The following IQCH variants were observed in gnomAD, a reference collection of about 807,000 sequenced individuals.
IQCH encodes the protein IQ domain-containing protein H.
In IQCH, 98 loss-of-function variants were observed where a neutral mutation model predicts 117.0. That is an observed-to-expected ratio of 0.84 (90% CI 0.71 to 0.99). The LOEUF (loss-of-function observed/expected upper bound fraction) is 0.99, where lower values mean the gene tolerates loss of function less well. Among genes scored for constraint, IQCH ranks in the 50% least tolerant of loss-of-function variants. The pLI is 0.00. For missense variants in IQCH, 1,102 were observed against 1,243.8 expected, an observed-to-expected ratio of 0.89 and a Z score of 1.72; for synonymous variants, 412 against 448.2, an observed-to-expected ratio of 0.92 and a Z score of 1.02.
At chr15:67,489,050 T>C (rs1317734193) in intron 18 of IQCH, among the ~76,000 whole-genome samples, 1 of 152,022 alleles carries the variant, frequency 6.6e-6, no homozygotes, top group African/African-American at 2.4e-5. Context: ...TTTTTTTTTT[T>C]TTAGACGGAG....
chr15:67,403,596 C>T lies in IQCH; in HGVS notation c.2097+3291C>T, dbSNP rs909853152. On this transcript the variant is annotated intron_variant, in intron 14 of 20. Coordinates refer to ENST00000335894, the MANE Select transcript of IQCH (RefSeq NM_001031715.3). The surrounding 1 kb of genome is among the most constrained non-coding windows in gnomAD (Gnocchi z 4.8). ...TGCTCGTTAAGTTTTAATGAATCCA[C>T]ACTCTTGCACACACTCCAAACTCCA... is the stretch of plus-strand genomic sequence containing the variant. 6.6e-6 allele frequency: 1 copy of T among 152,304 alleles called. No individual in the cohort carries two copies. Among genetic ancestry groups the T allele is most frequent in the Middle Eastern group, 3.4e-3 (1 of 294 alleles). 9.4% of individuals were successfully genotyped at this position (152,304 alleles called of 1,614,324 possible). A position where few individuals can be genotyped will look rare whatever the true frequency, so the allele number is the denominator to read the frequency against.
chr15:67,361,638 C>T (rs920187554), intron 8 of IQCH, among the ~76,000 whole-genome samples: 1 of 152,198 alleles, frequency 6.6e-6, no homozygotes, highest in African/African-American at 2.4e-5. Flanking sequence ...CAATAACAGA[C>T]AGCAGTTACC....
rs982333721 is a variant in IQCH, at chr15:67,376,376, ATCTAT to A, written c.1372+2946_1372+2950del. ...CTCTAAATGTACTGGAAGAAAACTA[ATCTAT>A]TCAATCTAGTAATTTCATTTCCAAA... On this transcript the variant is annotated intron_variant, in intron 10 of 20. Coordinates refer to ENST00000335894, the MANE Select transcript of IQCH (RefSeq NM_001031715.3). The surrounding 1 kb of genome is among the most constrained non-coding windows in gnomAD (Gnocchi z 5.0). Among the ~76,000 whole-genome samples, 1 of 152,224 alleles carries A rather than the reference ATCTAT, an allele frequency of 6.6e-6. No individual in the cohort carries two copies. Among genetic ancestry groups the A allele is most frequent in the African/African-American group, 2.4e-5 (1 of 41,456 alleles).
At chr15:67,446,244 A>T (rs1458638699) in intron 16 of IQCH, among the ~76,000 whole-genome samples, 1 of 152,210 alleles carries the variant, frequency 6.6e-6, no homozygotes, top group Non-Finnish European at 1.5e-5. Flanking sequence ...TAATTTCATG[A>T]TGATTTTCTA....
At position 67,417,561 on chromosome 15, in the gene IQCH, A is replaced by G. The variant is rs546386657; in HGVS notation, c.2218+510A>G. 6.6e-6 allele frequency among the ~76,000 whole-genome samples: 1 copy of G among 152,258 alleles called. No individual in the cohort carries two copies. The highest frequency in any genetic ancestry group is 1.5e-5 in the Non-Finnish European group (1 of 68,000). On this transcript the variant is annotated intron_variant, in intron 15 of 20. Transcript: ENST00000335894. The surrounding 1 kb of genome is among the most constrained non-coding windows in gnomAD (Gnocchi z 4.3). ...TCTCGCTTCCAGTTCTGAATATAGC[A>G]TTTCCAAACAAGGGTTTTCTACAAT...
rs1407872290 is a variant in IQCH, at chr15:67,433,689, C to G, written c.2505+12112C>G. 2.0e-5 allele frequency among the ~76,000 whole-genome samples: 3 copies of G among 152,158 alleles called. No individual in the cohort carries two copies. The highest frequency in any genetic ancestry group is 7.2e-5 in the African/African-American group (3 of 41,424). On this transcript the variant is annotated intron_variant, in intron 16 of 20. Coordinates refer to ENST00000335894, the MANE Select transcript of IQCH (RefSeq NM_001031715.3). This position sits in a 1 kb window ranked among gnomAD's most constrained non-coding sequence, Gnocchi z 5.4. ...AGGGCGAGGAAAATCTGGACACTCA[C>G]ACTGCACCCTGCTGTCTCCAGCAGG... is the stretch of plus-strand genomic sequence containing the variant.
In IQCH at chr15:67,254,807, G is replaced by C; in HGVS notation, c.-90G>C. The C allele has an allele frequency of 7.0e-7, 1 of 1,430,952 alleles. No individual in the cohort carries two copies. The highest frequency in any genetic ancestry group is 1.4e-5 in the African/African-American group (1 of 70,854). 88.6% of individuals were successfully genotyped at this position (1,430,952 alleles called of 1,614,324 possible). ...GCGTGGAACAGGCCAGGTCGCGCGC[G>C]GTGTTGCCATGGGGACGAGCGGCTC... On this transcript the variant is annotated 5_prime_UTR_variant, in exon 1 of 21. Transcript: ENST00000335894.
chr15:67,343,578 TGAGAA>T (rs1275308407), intron 5 of IQCH, among the ~76,000 whole-genome samples: 3 of 152,344 alleles, frequency 2.0e-5, no homozygotes, highest in Admixed American at 6.5e-5. Flanking sequence ...TCTGGTGATA[TGAGAA>T]ATGTCTAAAA....
chr15:67,293,553 A>T (rs189266743), intron 4 of IQCH, among the ~76,000 whole-genome samples: 1 of 152,250 alleles, frequency 6.6e-6, no homozygotes, highest in Non-Finnish European at 1.5e-5. Context: ...AAATAATGAC[A>T]AGAAAAAGAG....
chr15:67,320,666 A>G (rs1359954075), intron 4 of IQCH, among the ~76,000 whole-genome samples: 2 of 152,176 alleles, frequency 1.3e-5, no homozygotes, highest in Admixed American at 6.5e-5. Flanking sequence ...TGTAAAATCA[A>G]GTTATCATTT....
chr15:67,396,590 A>C (rs1303220120), intron 13 of IQCH, among the ~76,000 whole-genome samples: 1 of 152,170 alleles, frequency 6.6e-6, no homozygotes, highest in Non-Finnish European at 1.5e-5. Flanking sequence ...TAAAAGACAA[A>C]TGGCTGTTAA....
chr15:67,465,246 T>C lies in IQCH; in HGVS notation c.2625T>C (p.Phe875=), dbSNP rs765398397. 25 of 1,613,952 alleles carry C rather than the reference T, an allele frequency of 1.5e-5. No individual in the cohort carries two copies. The Admixed American group carries it at 3.5e-4, about 23-fold the overall frequency. ...CSLSTLEVPR[F]VPKERKKTKC... is the part of the protein sequence containing the mutation. ...TGAGCACCCTGGAAGTGCCCCGCTTTGTTCCAAAGGAAAGGAAGAAAACCA... is the reference window on the plus strand; with the variant it reads ...TGAGCACCCTGGAAGTGCCCCGCTTCGTTCCAAAGGAAAGGAAGAAAACCA... The change falls in exon 17 of 21, where the codon TTT becomes TTC. Residue 875 remains phenylalanine, a synonymous_variant. Transcript: ENST00000335894. The surrounding 1 kb of genome is among the most constrained non-coding windows in gnomAD (Gnocchi z 5.9).
At chr15:67,288,002 C>G (rs531997182) in intron 4 of IQCH, among the ~76,000 whole-genome samples, 42 of 152,170 alleles carry the variant, frequency 2.8e-4, no homozygotes, top group African/African-American at 9.9e-4. Flanking sequence ...CATTGACCCA[C>G]TGGTCATTCA....
intron 14 of IQCH, 144 bp downstream of exon 14, chr15:67,400,449 CT>C (rs1971609666): frequency 7.2e-6 from 4 of 555,730 alleles, no homozygotes; most frequent in African/African-American, 3.9e-5. Context: ...GACCTTTTTC[CT>C]TATATACACA....
chr15:67,372,713 G>A lies in IQCH; in HGVS notation c.1305+51G>A, dbSNP rs376128057. On this transcript the variant is annotated intron_variant, in intron 9 of 20. Coordinates refer to ENST00000335894, the MANE Select transcript of IQCH (RefSeq NM_001031715.3). ...GCAGACCTCTTTTTCTAAACATTTC[G>A]TGCTTGAGCGGTTGTAATAAGTTGT... 210 of 1,473,986 alleles carry A rather than the reference G, an allele frequency of 1.4e-4. No individual in the cohort carries two copies. The African/African-American group carries it at 2.2e-3, about 15-fold the overall frequency. The allele number at this position is 1,473,986 out of a possible 1,614,324, so 91.3% of individuals were successfully genotyped here.
rs1007750769 is a variant in IQCH, at chr15:67,440,851, G to A, written c.2505+19274G>A. On this transcript the variant is annotated intron_variant, in intron 16 of 20. Coordinates refer to ENST00000335894, the MANE Select transcript of IQCH (RefSeq NM_001031715.3). ...TCACCACTCCTCTTTAACAGTACTG[G>A]AAGTCCTAGCCAGAGCAATCAGACA... Among the ~76,000 whole-genome samples, 5 of 152,180 alleles carry A rather than the reference G, an allele frequency of 3.3e-5. No homozygotes were observed. The South Asian group carries it at 6.2e-4, about 19-fold the overall frequency.
chr15:67,289,444 G>A (rs1966679424), intron 4 of IQCH, among the ~76,000 whole-genome samples: 1 of 152,038 alleles, frequency 6.6e-6, no homozygotes, highest in Non-Finnish European at 1.5e-5. Context: ...CTTGATCATG[G>A]GGGATTAAAA....
At chr15:67,255,030 T>C in intron 1 of IQCH, 83 bp downstream of exon 1, 2 of 1,363,650 alleles carry the variant, frequency 1.5e-6, no homozygotes, top group Non-Finnish European at 2.1e-6. Flanking sequence ...TCACCGACGC[T>C]CACCCATTTG....
rs957582852 is a variant in IQCH, at chr15:67,427,132, C to T, written c.2505+5555C>T. Among the ~76,000 whole-genome samples, 16 of 152,176 alleles carry T rather than the reference C, an allele frequency of 1.1e-4. No homozygotes were observed. Among genetic ancestry groups the T allele is most frequent in the African/African-American group, 3.9e-4 (16 of 41,438 alleles). ...TATTGGAACACTAAAAAATAAATAA[C>T]TTCTCCAACAATGAGAAACTTGAGT... On this transcript the variant is annotated intron_variant, in intron 16 of 20. Coordinates refer to ENST00000335894, the MANE Select transcript of IQCH (RefSeq NM_001031715.3). The surrounding 1 kb of genome is among the most constrained non-coding windows in gnomAD (Gnocchi z 4.7).
Sources: allele counts gnomAD v4.1 joint callset (sites outside exome capture counted in the v4.1 genomes callset), GRCh38; gene constraint gnomAD v4.1.1; non-coding constraint Gnocchi (gnomAD v3.1); transcripts MANE v1.5; gene names NCBI Gene and HGNC (gene_info 2026-07-23, HGNC 2026-07-21).